The following ASIC2 variants were observed in gnomAD, a reference collection of about 807,000 sequenced individuals.
ASIC2 encodes acid sensing ion channel subunit 2.
In ASIC2, 25 loss-of-function variants were observed where a neutral mutation model predicts 57.3. That is an observed-to-expected ratio of 0.44 (90% CI 0.32 to 0.61). The LOEUF is 0.61. Among genes scored for constraint, ASIC2 ranks in the 20% least tolerant of loss-of-function variants. The pLI, the probability that ASIC2 is intolerant of heterozygous loss-of-function variation, is 0.06. For synonymous variants in ASIC2, 319 were observed against 307.5 expected, an observed-to-expected ratio of 1.04 and a Z score of -0.39; for missense variants, 641 against 738.1, an observed-to-expected ratio of 0.87 and a Z score of 1.52.
chr17:34,078,556 G>T (rs988620730), intron 1 of ASIC2, among the ~76,000 whole-genome samples: 3 of 152,080 alleles, frequency 2.0e-5, no homozygotes, highest in Admixed American at 1.3e-4. Flanking sequence ...CCCTTCCCTA[G>T]CACCCCCGGA....
intron 1 of ASIC2, among the ~76,000 whole-genome samples, chr17:33,195,083 A>T (rs1230986573): frequency 6.6e-6 from 1 of 152,184 alleles, no homozygotes; most frequent in East Asian, 1.9e-4. Flanking sequence ...TGGCTTGACA[A>T]ATTATTATTC....
intron 1 of ASIC2, among the ~76,000 whole-genome samples, chr17:33,938,082 A>G (rs1916107674): frequency 6.6e-6 from 1 of 152,224 alleles, no homozygotes; most frequent in Non-Finnish European, 1.5e-5. Context: ...GCCCCAGGGC[A>G]GGAGGGTTTT....
chr17:33,911,847 C>T (rs893279777), intron 1 of ASIC2, among the ~76,000 whole-genome samples: 11 of 152,042 alleles, frequency 7.2e-5, no homozygotes, highest in African/African-American at 1.9e-4. Context: ...CGGCTGGGCA[C>T]GGTGGTTCAC....
intron 1 of ASIC2, among the ~76,000 whole-genome samples, chr17:33,389,575 T>C (rs946674484): frequency 2.0e-5 from 3 of 152,176 alleles, no homozygotes; most frequent in South Asian, 2.1e-4. Flanking sequence ...TGAGGCTAGC[T>C]GTGATGAGTG....
chr17:34,034,964 T>A (rs1907806699), intron 1 of ASIC2, among the ~76,000 whole-genome samples: 1 of 151,902 alleles, frequency 6.6e-6, no homozygotes, highest in South Asian at 2.1e-4. Context: ...TTCAATGCCA[T>A]CCCCATCAAG....
intron 1 of ASIC2, among the ~76,000 whole-genome samples, chr17:33,220,206 T>C (rs1907639376): frequency 6.6e-6 from 1 of 152,158 alleles, no homozygotes; most frequent in African/African-American, 2.4e-5. Flanking sequence ...CCAGCCTGTG[T>C]TTACATGCCT....
intron 1 of ASIC2, among the ~76,000 whole-genome samples, chr17:33,811,861 T>C (rs1912432796): frequency 6.6e-6 from 1 of 152,192 alleles, no homozygotes; most frequent in Non-Finnish European, 1.5e-5. Context: ...TCATGTTTGC[T>C]CTGACCTCCA....
chr17:33,089,091 A>G (rs1345064468), intron 2 of ASIC2, 101 bp from the exon 3 acceptor site: 3 of 1,481,336 alleles, frequency 2.0e-6, no homozygotes, highest in Non-Finnish European at 2.7e-6. Flanking sequence ...AGACCCTGTG[A>G]TAAGCAGAAT....
chr17:33,057,724 G>A (rs776028499), intron 3 of ASIC2, among the ~76,000 whole-genome samples: 2 of 152,238 alleles, frequency 1.3e-5, no homozygotes, highest in Non-Finnish European at 2.9e-5. Flanking sequence ...TTGAGGCTTT[G>A]CCTCCAGGGC....
At chr17:34,136,993 T>C (rs1912145836) in intron 1 of ASIC2, among the ~76,000 whole-genome samples, 1 of 152,232 alleles carries the variant, frequency 6.6e-6, no homozygotes, top group Non-Finnish European at 1.5e-5. Flanking sequence ...TCACTTGTTA[T>C]ATTCTACTCC....
intron 1 of ASIC2, among the ~76,000 whole-genome samples, chr17:34,141,048 G>A (rs1355829354): frequency 6.6e-6 from 1 of 152,116 alleles, no homozygotes; most frequent in Non-Finnish European, 1.5e-5. Context: ...TGAGAATTCT[G>A]CATCAGTTTT....
chr17:34,085,069 C>A (rs1352870349), intron 1 of ASIC2, among the ~76,000 whole-genome samples: 2 of 152,150 alleles, frequency 1.3e-5, no homozygotes, highest in Non-Finnish European at 2.9e-5. Context: ...GAACTTCCAA[C>A]ACTATGTTGG....
intron 1 of ASIC2, among the ~76,000 whole-genome samples, chr17:33,778,888 G>T (rs1368837110): frequency 6.6e-6 from 1 of 152,106 alleles, no homozygotes; most frequent in Non-Finnish European, 1.5e-5. Flanking sequence ...TAGCAATAGG[G>T]GCAGGGCGCC....
intron 1 of ASIC2, among the ~76,000 whole-genome samples, chr17:33,443,578 TA>T (rs1199636858): frequency 1.9e-4 from 11 of 58,800 alleles, no homozygotes; most frequent in Non-Finnish European, 3.0e-4. Context: ...TACGCCCGGC[TA>T]ATTTTTTTTT....
intron 1 of ASIC2, among the ~76,000 whole-genome samples, chr17:33,781,318 G>A (rs549692112): frequency 3.9e-5 from 6 of 152,330 alleles, no homozygotes; most frequent in South Asian, 2.1e-4. Context: ...GGCTGGCTAC[G>A]TGTCTTTTTG....
intron 1 of ASIC2, among the ~76,000 whole-genome samples, chr17:33,370,842 A>G (rs779438360): frequency 2.0e-5 from 3 of 152,194 alleles, no homozygotes; most frequent in Non-Finnish European, 4.4e-5. Flanking sequence ...CCCGATCCAG[A>G]CCCCAAGTTC....
chr17:34,113,428 G>GT (rs1911336325), intron 1 of ASIC2, among the ~76,000 whole-genome samples: 1 of 151,024 alleles, frequency 6.6e-6, no homozygotes, highest in South Asian at 2.1e-4. Flanking sequence ...GGGCATGGTG[G>GT]TGCACACCTG....
chr17:33,131,955 A>G (rs1408994457), intron 1 of ASIC2, among the ~76,000 whole-genome samples: 3 of 152,174 alleles, frequency 2.0e-5, no homozygotes, highest in Admixed American at 1.3e-4. Context: ...GGGGCCAGAT[A>G]CAATCATCCT....
At chr17:33,737,148 C>T (rs906878809) in intron 1 of ASIC2, among the ~76,000 whole-genome samples, 1 of 152,264 alleles carries the variant, frequency 6.6e-6, no homozygotes, top group African/African-American at 2.4e-5. Flanking sequence ...CCCCCTGCTC[C>T]ACGCCTCCAC....
Sources: allele counts gnomAD v4.1 joint callset (sites outside exome capture counted in the v4.1 genomes callset), GRCh38; gene constraint gnomAD v4.1.1; transcripts MANE v1.5; gene names NCBI Gene and HGNC (gene_info 2026-07-23, HGNC 2026-07-21).